The following IL1RAPL2 variants were observed in gnomAD, a reference collection of about 807,000 sequenced individuals.
IL1RAPL2 encodes X-linked interleukin-1 receptor accessory protein-like 2.
In IL1RAPL2, 3 loss-of-function variants were observed where a neutral mutation model predicts 44.1. The observed-to-expected ratio is 0.07, with a 90% CI of 0.03 to 0.18. The LOEUF (loss-of-function observed/expected upper bound fraction) is 0.18. Among genes scored for constraint, IL1RAPL2 ranks in the 10% least tolerant of loss-of-function variants. The pLI, the probability that IL1RAPL2 is intolerant of heterozygous loss-of-function variation, is 1.00. For missense variants in IL1RAPL2, 391 were observed against 496.4 expected, an observed-to-expected ratio of 0.79 and a Z score of 2.02; for synonymous variants, 181 against 178.8, an observed-to-expected ratio of 1.01 and a Z score of -0.10.
intron 2 of IL1RAPL2, among the ~76,000 whole-genome samples, chrX:105,069,410 A>G (rs1007308748): frequency 1.8e-5 from 2 of 112,709 alleles, no homozygotes; most frequent in Non-Finnish European, 1.9e-5. Context: ...ATTTACCAAC[A>G]TAGAAAGGAA....
intron 1 of IL1RAPL2, among the ~76,000 whole-genome samples, chrX:104,633,269 C>T (rs934645764): frequency 9.0e-6 from 1 of 111,390 alleles, no homozygotes; most frequent in East Asian, 2.8e-4. Flanking sequence ...ATTTTTGCAT[C>T]GATGTTCATC....
rs955181847 is a variant in IL1RAPL2 at position 105,279,262 on chromosome X, G to A, written c.697+11721G>A. Among the ~76,000 whole-genome samples the A allele has an allele frequency of 2.7e-5, 3 of 111,029 alleles. No individual in the cohort carries two copies. The Admixed American group carries it at 2.9e-4, about 11-fold the overall frequency. On this transcript the variant is annotated intron_variant, in intron 5 of 10. Coordinates refer to ENST00000372582, the MANE Select transcript of IL1RAPL2 (RefSeq NM_017416.2). ...GAATCCTGTAAGGTATGTCATTTTAGCCCTGCTTTATAGATGTGGAAATTG... is the reference window on the plus strand; with the variant it reads ...GAATCCTGTAAGGTATGTCATTTTAACCCTGCTTTATAGATGTGGAAATTG...
intron 2 of IL1RAPL2, among the ~76,000 whole-genome samples, chrX:105,102,353 C>G (rs2032681421): frequency 8.9e-6 from 1 of 111,889 alleles, no homozygotes; most frequent in Non-Finnish European, 1.9e-5. Flanking sequence ...GATTCTGACT[C>G]TACCCTCCCC....
chrX:104,915,040 C>T (rs1201090801), intron 2 of IL1RAPL2, among the ~76,000 whole-genome samples: 1 of 111,714 alleles, frequency 9.0e-6, no homozygotes, highest in Non-Finnish European at 1.9e-5. Flanking sequence ...GTGCATGTGT[C>T]TTTATAGTAG....
rs909961126 is a variant in IL1RAPL2, at chrX:104,924,848, C to G, written c.82+265853C>G. Among the ~76,000 whole-genome samples, 4 of 110,866 alleles carry G rather than the reference C, an allele frequency of 3.6e-5. No homozygotes were observed. The Admixed American group carries it at 3.8e-4, about 11-fold the overall frequency. ...GCAGAAGCAAATAAATAACAAAGAT[C>G]AGAGCAGAACTAAATGAGATTGAGA... On this transcript the variant is annotated intron_variant, in intron 2 of 10. Coordinates refer to ENST00000372582, the MANE Select transcript of IL1RAPL2 (RefSeq NM_017416.2).
chrX:105,117,069 T>C (rs1289729088), intron 2 of IL1RAPL2, among the ~76,000 whole-genome samples: 2 of 112,583 alleles, frequency 1.8e-5, no homozygotes, highest in African/African-American at 6.5e-5. Context: ...TCATACTTCA[T>C]TACTGTGTAT....
At chrX:104,859,791 T>C (rs751579965) in intron 2 of IL1RAPL2, among the ~76,000 whole-genome samples, 38 of 112,335 alleles carry the variant, frequency 3.4e-4, no homozygotes, top group Non-Finnish European at 6.2e-4. Flanking sequence ...TGTAATATAG[T>C]TTAATGACTG....
chrX:105,038,161 C>T (rs1305088375), intron 2 of IL1RAPL2, among the ~76,000 whole-genome samples: 1 of 111,116 alleles, frequency 9.0e-6, no homozygotes, highest in Non-Finnish European at 1.9e-5. Context: ...CTTCTGGCTT[C>T]AATCCACTCT....
At chrX:105,591,142 A>T (rs1336401004) in intron 6 of IL1RAPL2, among the ~76,000 whole-genome samples, 1 of 109,531 alleles carries the variant, frequency 9.1e-6, no homozygotes, top group Non-Finnish European at 1.9e-5. Context: ...CAATCTTGAG[A>T]GACTTCAAGT....
At chrX:105,262,221 T>G (rs1232531796) in intron 4 of IL1RAPL2, among the ~76,000 whole-genome samples, 1 of 111,634 alleles carries the variant, frequency 9.0e-6, no homozygotes, top group Non-Finnish European at 1.9e-5. Flanking sequence ...TTTGTTTGGC[T>G]TTTTTCTTGT....
At chrX:104,840,331 C>G (rs1049611752) in intron 2 of IL1RAPL2, among the ~76,000 whole-genome samples, 3 of 112,067 alleles carry the variant, frequency 2.7e-5, no homozygotes, top group African/African-American at 9.7e-5. Context: ...ACCTCAGAGT[C>G]ATTCAGGAGC....
In IL1RAPL2 at chrX:105,326,710, G is replaced by GT. The variant is rs779084446; in HGVS notation, c.697+59177dup. ...AAAAAATATTAATAATAAATGTAGG[G>GT]TTTTTTTTATTCCATTGATCTATAC... On this transcript the variant is annotated intron_variant, in intron 5 of 10. Coordinates refer to ENST00000372582, the MANE Select transcript of IL1RAPL2 (RefSeq NM_017416.2). Among the ~76,000 whole-genome samples, 8 of 110,845 alleles carry GT rather than the reference G, an allele frequency of 7.2e-5. No individual in the cohort carries two copies. In the East Asian group the frequency reaches 2.3e-3, roughly 32 times the overall value.
At chrX:105,651,166 G>A (rs188821474) in intron 6 of IL1RAPL2, among the ~76,000 whole-genome samples, 8 of 111,229 alleles carry the variant, frequency 7.2e-5, no homozygotes, top group African/African-American at 2.0e-4. Flanking sequence ...AAAATCAGCC[G>A]AAGAATGAAA....
At chrX:104,860,317 C>T (rs756803421) in intron 2 of IL1RAPL2, among the ~76,000 whole-genome samples, 1 of 111,801 alleles carries the variant, frequency 8.9e-6, no homozygotes, top group South Asian at 3.7e-4. Context: ...GAAACCCTAT[C>T]ATTGTTATTT....
intron 2 of IL1RAPL2, among the ~76,000 whole-genome samples, chrX:105,189,335 C>T (rs893872050): frequency 8.9e-6 from 1 of 112,023 alleles, no homozygotes. Context: ...CTCTGCCTCC[C>T]GGTCCCAAGC....
At chrX:104,953,969 TG>T (rs1332139658) in intron 2 of IL1RAPL2, among the ~76,000 whole-genome samples, 1 of 111,906 alleles carries the variant, frequency 8.9e-6, no homozygotes, top group East Asian at 2.8e-4. Context: ...GAAGTTAGAC[TG>T]TGTTCCAGAC....
At chrX:104,686,613 C>T (rs1390645471) in intron 2 of IL1RAPL2, among the ~76,000 whole-genome samples, 5 of 111,802 alleles carry the variant, frequency 4.5e-5, no homozygotes, top group Non-Finnish European at 7.5e-5. Context: ...CCTGGTCAGC[C>T]CCTGAAGAAA....
chrX:104,662,631 A>G (rs1012724860), intron 2 of IL1RAPL2, among the ~76,000 whole-genome samples: 16 of 111,321 alleles, frequency 1.4e-4, no homozygotes, highest in African/African-American at 4.6e-4. Context: ...GGGTGGGAGA[A>G]ATTACTCTTC....
At chrX:105,411,847 A>G (rs765834981) in intron 5 of IL1RAPL2, among the ~76,000 whole-genome samples, 5 of 112,226 alleles carry the variant, frequency 4.5e-5, no homozygotes. Flanking sequence ...CAACTGCAGA[A>G]TACACATTCT....
Sources: gnomAD v4.1 joint callset for allele counts (sites outside exome capture counted in the v4.1 genomes callset) on GRCh38, gnomAD v4.1.1 for gene constraint, MANE v1.5 for transcripts, NCBI Gene and HGNC (gene_info 2026-07-23, HGNC 2026-07-21) for gene names.